The following NADSYN1 variants were observed in gnomAD, a reference collection of about 807,000 sequenced individuals.
The protein encoded by NADSYN1 is NAD synthetase 1.
A neutral mutation model predicts 99.3 loss-of-function variants in NADSYN1; 80 were observed. The ratio of observed to expected loss-of-function variants is 0.81; its 90% confidence interval spans 0.67 to 0.97. The LOEUF is 0.97. Ranked by LOEUF, NADSYN1 falls within the 50% of genes least tolerant of loss-of-function variation. NADSYN1 has a pLI of 0.00. For synonymous variants in NADSYN1, 385 were observed against 372.1 expected (o/e 1.03, Z -0.40); for missense variants, 859 against 948.5 (o/e 0.91, Z 1.24).
chr11:71,473,626 C>A lies in NADSYN1; in HGVS notation c.606C>A (p.Ser202Arg). Reference protein sequence around the residue: ...GVEIITNASGSHQVLRKANTR... With the variant: ...GVEIITNASGRHQVLRKANTR... Reference sequence around the variant, plus strand: ...AGATCATCACCAACGCCTCGGGCAGCCACCAAGTGCTGCGCAAAGCCAACA... The same window carrying A: ...AGATCATCACCAACGCCTCGGGCAGACACCAAGTGCTGCGCAAAGCCAACA... The change falls in exon 8 of 21, where the codon AGC becomes AGA. Residue 202 changes from serine (S) to arginine (R), a missense_variant. By Grantham distance (110) the Ser-to-Arg change is moderately radical. Coordinates refer to ENST00000319023, the MANE Select transcript of NADSYN1 (RefSeq NM_018161.5). 6.2e-7 allele frequency: 1 copy of A among 1,613,182 alleles called. No individual in the cohort carries two copies. The highest frequency in any genetic ancestry group is 1.1e-5 in the South Asian group (1 of 91,072).
At chr11:71,487,690 G>T (rs1949751107) in intron 16 of NADSYN1, among the ~76,000 whole-genome samples, 2 of 151,878 alleles carry the variant, frequency 1.3e-5, no homozygotes, top group Admixed American at 6.6e-5. Context: ...AATTAGCCGG[G>T]CGTGGTGGCA....
rs1949781155 is a variant in NADSYN1 at position 71,491,815 on chromosome 11, C to T, written c.1695-19C>T. 1 of 1,613,388 alleles carries T rather than the reference C, an allele frequency of 6.2e-7. No homozygotes were observed. Among genetic ancestry groups the T allele is most frequent in the African/African-American group, 1.3e-5 (1 of 74,940 alleles). ...CCCTCGCAGCTGCACTGACCGACCT[C>T]TGTGTGTTTTGGCTGCAGCATCCTG... is the stretch of plus-strand genomic sequence containing the variant. On this transcript the variant is annotated intron_variant, in intron 17 of 20. Coordinates refer to ENST00000319023, the MANE Select transcript of NADSYN1 (RefSeq NM_018161.5).
At chr11:71,456,421 T>A (rs1949515132) in intron 2 of NADSYN1, among the ~76,000 whole-genome samples, 1 of 152,224 alleles carries the variant, frequency 6.6e-6, no homozygotes, top group South Asian at 2.1e-4. Context: ...CCTGGCCCCG[T>A]GGCCGGATCT....
chr11:71,494,378 T>A (rs967482382), intron 18 of NADSYN1, among the ~76,000 whole-genome samples: 2 of 152,350 alleles, frequency 1.3e-5, no homozygotes, highest in Non-Finnish European at 2.9e-5. Flanking sequence ...GAGCTCAGGC[T>A]GTACCATGGA....
At chr11:71,486,552 C>A (rs1428241621) in intron 16 of NADSYN1, among the ~76,000 whole-genome samples, 2 of 152,116 alleles carry the variant, frequency 1.3e-5, no homozygotes, top group Non-Finnish European at 2.9e-5. Flanking sequence ...CACATCCCTC[C>A]ACCCACCTGT....
chr11:71,486,285 A>G (rs1179994876), intron 16 of NADSYN1, among the ~76,000 whole-genome samples: 5 of 152,028 alleles, frequency 3.3e-5, no homozygotes, highest in Non-Finnish European at 7.4e-5. Flanking sequence ...CTATGCATCC[A>G]TCTATCCATC....
intron 1 of NADSYN1, among the ~76,000 whole-genome samples, chr11:71,453,867 C>T (rs568866164): frequency 2.6e-5 from 4 of 151,976 alleles, no homozygotes; most frequent in South Asian, 4.2e-4. Context: ...TTTGGGGGGG[C>T]CGGAGGGGGT....
intron 3 of NADSYN1, among the ~76,000 whole-genome samples, chr11:71,459,423 T>A (rs892046937): frequency 2.6e-5 from 4 of 151,454 alleles, no homozygotes; most frequent in Non-Finnish European, 5.9e-5. Context: ...CTGTGTGTGC[T>A]GTGCTGGTGT....
At chr11:71,489,092 C>CGGG (rs1949762486) in intron 16 of NADSYN1, among the ~76,000 whole-genome samples, 1 of 151,838 alleles carries the variant, frequency 6.6e-6, no homozygotes, top group African/African-American at 2.4e-5. Flanking sequence ...GCCAGCCCTG[C>CGGG]AGGGTTAAGT....
Position 71,501,594 on chromosome 11 carries a change from C to T in NADSYN1, c.*242C>T, listed in dbSNP as rs955165250. ...CCTCCCGCCAGCGTGCGCTTCCCCG[C>T]GAAGTCTGGCATTCTCCGAAGGAAG... On this transcript the variant is annotated 3_prime_UTR_variant, in exon 21 of 21. Coordinates refer to ENST00000319023, the MANE Select transcript of NADSYN1 (RefSeq NM_018161.5). The T allele has an allele frequency of 5.9e-4, 307 of 522,888 alleles. 6 individuals are homozygous for T. In the East Asian group the frequency reaches 9.6e-3, roughly 16 times the overall value. 32.4% of individuals were successfully genotyped at this position (522,888 alleles called of 1,614,324 possible).
At chr11:71,496,739 C>G (rs1193041645) in intron 18 of NADSYN1, 2 of 152,778 alleles carry the variant, frequency 1.3e-5, no homozygotes, top group African/African-American at 4.8e-5. Flanking sequence ...GTGTCCTCCT[C>G]CCTTTCTCCA....
intron 17 of NADSYN1, among the ~76,000 whole-genome samples, chr11:71,491,519 G>A (rs1949779151): frequency 6.6e-6 from 1 of 152,204 alleles, no homozygotes; most frequent in South Asian, 2.1e-4. Flanking sequence ...GCAGTGCACA[G>A]GCCATTGACA....
intron 3 of NADSYN1, among the ~76,000 whole-genome samples, chr11:71,462,600 G>T (rs529468680): frequency 1.3e-5 from 2 of 152,208 alleles, no homozygotes; most frequent in South Asian, 4.1e-4. Context: ...TCCTTCACCT[G>T]GGCAAAATAA....
intron 18 of NADSYN1, among the ~76,000 whole-genome samples, chr11:71,493,592 CA>C: frequency 6.7e-6 from 1 of 150,044 alleles, no homozygotes; most frequent in African/African-American, 2.5e-5. Flanking sequence ...AAAAAAAAAT[CA>C]TTTTTTTAAT....
intron 5 of NADSYN1, among the ~76,000 whole-genome samples, chr11:71,465,861 T>A (rs1402715518): frequency 6.6e-6 from 1 of 152,230 alleles, no homozygotes; most frequent in Non-Finnish European, 1.5e-5. Flanking sequence ...ATTGTGTCTG[T>A]TGGTTAGTCT....
chr11:71,478,785 A>G (rs1353465014), intron 10 of NADSYN1: 2 of 311,752 alleles, frequency 6.4e-6, no homozygotes, highest in Non-Finnish European at 1.3e-5. Flanking sequence ...GAGCCCAGGA[A>G]GGCCTCAAGG....
At chr11:71,498,642 GTCC>G in intron 20 of NADSYN1, 114 bp downstream of exon 20, 1 of 1,190,632 alleles carries the variant, frequency 8.4e-7, no homozygotes, top group Non-Finnish European at 1.2e-6. Context: ...CTTTTTTACT[GTCC>G]TCCTTTCTGC....
At chr11:71,485,318 T>C (rs1384883460) in intron 15 of NADSYN1, 6 of 366,002 alleles carry the variant, frequency 1.6e-5, no homozygotes, top group Non-Finnish European at 3.0e-5. Flanking sequence ...TGCTCCCATC[T>C]TTGAAGGCAA....
At chr11:71,472,581 G>A (rs1335194510) in intron 6 of NADSYN1, 81 bp downstream of exon 6, 16 of 1,323,862 alleles carry the variant, frequency 1.2e-5, no homozygotes, top group Admixed American at 1.7e-5. Flanking sequence ...GGGCGGGAAC[G>A]CTTTGGGATC....
Sources: gnomAD v4.1 joint callset for allele counts (sites outside exome capture counted in the v4.1 genomes callset) on GRCh38, gnomAD v4.1.1 for gene constraint, MANE v1.5 for transcripts, NCBI Gene and HGNC (gene_info 2026-07-23, HGNC 2026-07-21) for gene names.